Variants in GAB1 observed in about 807,000 individuals in gnomAD.
GAB1 encodes the protein GRB2-associated-binding protein 1.
GAB1 carries 19 observed loss-of-function variants against 66.5 expected under a neutral mutation model. The ratio of observed to expected loss-of-function variants is 0.29; its 90% confidence interval spans 0.20 to 0.42. The LOEUF (loss-of-function observed/expected upper bound fraction) is 0.42. Among genes scored for constraint, GAB1 ranks in the 10% least tolerant of loss-of-function variants. The pLI, the probability that GAB1 is intolerant of heterozygous loss-of-function variation, is 1.00. For missense variants in GAB1, 732 were observed against 858.5 expected (o/e 0.85, Z 1.84); for synonymous variants, 294 against 301.4 (o/e 0.98, Z 0.25).
intron 6 of GAB1, among the ~76,000 whole-genome samples, chr4:143,447,429 A>G (rs1015611942): frequency 2.0e-5 from 3 of 152,214 alleles, no homozygotes; most frequent in African/African-American, 7.2e-5. Flanking sequence ...ACCGATGAGC[A>G]TGGAATGTTC....
At chr4:143,397,894 T>C (rs1252042539) in intron 1 of GAB1, among the ~76,000 whole-genome samples, 1 of 152,246 alleles carries the variant, frequency 6.6e-6, no homozygotes, top group Non-Finnish European at 1.5e-5. Flanking sequence ...AGAAGAGTTT[T>C]ATTCTGTCTT....
At chr4:143,422,151 G>A (rs1733065280) in intron 2 of GAB1, among the ~76,000 whole-genome samples, 1 of 152,118 alleles carries the variant, frequency 6.6e-6, no homozygotes, top group Admixed American at 6.5e-5. Context: ...TAGTATTAAT[G>A]ATAATGCATA....
chr4:143,454,378 A>G (rs937885653), intron 6 of GAB1, among the ~76,000 whole-genome samples: 4 of 152,222 alleles, frequency 2.6e-5, no homozygotes, highest in African/African-American at 9.7e-5. Flanking sequence ...TTAGCATTTT[A>G]TTTGGGAAGC....
intron 1 of GAB1, among the ~76,000 whole-genome samples, chr4:143,340,592 C>T (rs1402028391): frequency 2.0e-5 from 3 of 152,066 alleles, no homozygotes; most frequent in Non-Finnish European, 4.4e-5. Flanking sequence ...CTCACTGCAA[C>T]CTCTGCCTCC....
Position 143,439,823 on chromosome 4 carries a change from A to G in GAB1, c.1217A>G (p.Tyr406Cys). 5.0e-6 allele frequency: 8 copies of G among 1,612,946 alleles called. No homozygotes were observed. Among genetic ancestry groups the G allele is most frequent in the Non-Finnish European group, 5.9e-6 (7 of 1,178,962 alleles). The change falls in exon 5 of 10, where the codon TAT (tyrosine) becomes TGT (cysteine). Residue 406 changes from tyrosine (Y) to cysteine (C), a missense_variant. Coordinates refer to ENST00000262994, the MANE Select transcript of GAB1 (RefSeq NM_002039.4). ...LRKDASSQDC[Y>C]DIPRAFPSDR... ...TTAGATGCTAGTTCTCAAGACTGCTATGATATTCCACGAGCATTTCCAAGT... is the reference window on the plus strand; with the variant it reads ...TTAGATGCTAGTTCTCAAGACTGCTGTGATATTCCACGAGCATTTCCAAGT...
intron 1 of GAB1, among the ~76,000 whole-genome samples, chr4:143,389,132 GC>G (rs1175102482): frequency 1.3e-5 from 2 of 152,202 alleles, no homozygotes; most frequent in Admixed American, 6.5e-5. Context: ...TCATCTTTCC[GC>G]AGTTGGTAAT....
At position 143,371,391 on chromosome 4, in the gene GAB1, G is replaced by C. The variant is rs551014938; in HGVS notation, c.72+34131G>C. On this transcript the variant is annotated intron_variant, in intron 1 of 9. Coordinates refer to ENST00000262994, the MANE Select transcript of GAB1 (RefSeq NM_002039.4). The stretch of plus-strand genomic sequence containing the variant: ...CATATCCTTCACCCACTTTTTGATG[G>C]GGTTGTTTGATTTTTTCTTGTAAAT... Among the ~76,000 whole-genome samples the C allele has an allele frequency of 1.0e-3, 153 of 152,248 alleles. 2 individuals are homozygous for C. Among genetic ancestry groups the C allele is most frequent in the African/African-American group, 3.6e-3 (149 of 41,554 alleles).
intron 1 of GAB1, among the ~76,000 whole-genome samples, chr4:143,365,157 G>A (rs528203090): frequency 2.0e-5 from 3 of 152,028 alleles, no homozygotes; most frequent in African/African-American, 7.2e-5. Context: ...GATTACAGGC[G>A]TGAGCCATCG....
At chr4:143,388,128 C>T (rs1176090482) in intron 1 of GAB1, among the ~76,000 whole-genome samples, 1 of 152,152 alleles carries the variant, frequency 6.6e-6, no homozygotes, top group Non-Finnish European at 1.5e-5. Flanking sequence ...TTTTTGAATG[C>T]TCCCTTTTTT....
intron 1 of GAB1, among the ~76,000 whole-genome samples, chr4:143,406,359 T>C (rs988478163): frequency 6.6e-6 from 1 of 152,204 alleles, no homozygotes; most frequent in African/African-American, 2.4e-5. Context: ...CATGGTTCTT[T>C]ATTGCATTTT....
chr4:143,339,505 C>T (rs562381549), intron 1 of GAB1, among the ~76,000 whole-genome samples: 9 of 152,142 alleles, frequency 5.9e-5, no homozygotes, highest in African/African-American at 9.7e-5. Context: ...GGTGAGACTC[C>T]GTCTCAAAAA....
chr4:143,399,434 C>G (rs570284310), intron 1 of GAB1, among the ~76,000 whole-genome samples: 2 of 152,336 alleles, frequency 1.3e-5, no homozygotes, highest in South Asian at 4.1e-4. Context: ...ATTTGCAGTT[C>G]AAACTACAGG....
intron 2 of GAB1, among the ~76,000 whole-genome samples, chr4:143,416,594 T>C (rs537141871): frequency 6.6e-6 from 1 of 152,112 alleles, no homozygotes; most frequent in Admixed American, 6.5e-5. Flanking sequence ...GCCAACATGG[T>C]GAAATTCCAT....
rs377428366 is a variant in GAB1, at chr4:143,459,379, T to G, written c.1586-6T>G. The G allele has an allele frequency of 2.4e-5, 38 of 1,574,286 alleles. No homozygotes were observed. In the African/African-American group the frequency reaches 5.0e-4, roughly 21 times the overall value. Reference sequence around the variant, plus strand: ...TAAAAATCTCTTTTTCTCTTTTTCTTTTCAGTCAAGCCAGCGCCTTTAGAA... The same window carrying G: ...TAAAAATCTCTTTTTCTCTTTTTCTGTTCAGTCAAGCCAGCGCCTTTAGAA... On this transcript the variant is annotated splice_region_variant and splice_polypyrimidine_tract_variant and intron_variant, in intron 6 of 9. Coordinates refer to ENST00000262994, the MANE Select transcript of GAB1 (RefSeq NM_002039.4).
intron 1 of GAB1, among the ~76,000 whole-genome samples, chr4:143,355,707 C>G (rs1729418971): frequency 6.6e-6 from 1 of 152,114 alleles, no homozygotes; most frequent in South Asian, 2.1e-4. Flanking sequence ...TACTGTAGTG[C>G]ACATTTGGAA....
intron 6 of GAB1, among the ~76,000 whole-genome samples, chr4:143,447,993 A>C (rs1028220382): frequency 1.3e-5 from 2 of 152,214 alleles, no homozygotes; most frequent in African/African-American, 4.8e-5. Flanking sequence ...AGTTTTTAGC[A>C]TGAAGCATTA....
Position 143,470,893 on chromosome 4 carries a change from T to C in GAB1, c.*1704T>C, listed in dbSNP as rs1344379428. 1.2e-4 allele frequency: 18 copies of C among 152,228 alleles called. No homozygotes were observed. Among genetic ancestry groups the C allele is most frequent in the Admixed American group, 1.2e-3 (18 of 15,280 alleles). The allele number at this position is 152,228 out of a possible 1,614,324, so 9.4% of individuals were successfully genotyped here. A position where few individuals can be genotyped will look rare whatever the true frequency, so the allele number is the denominator to read the frequency against. ...TTGTAGACTAGTAACATTTGATGCT[T>C]TTAAATATTTGCTTCTTTTTAAACA... On this transcript the variant is annotated 3_prime_UTR_variant, in exon 10 of 10. Coordinates refer to ENST00000262994, the MANE Select transcript of GAB1 (RefSeq NM_002039.4).
intron 1 of GAB1, among the ~76,000 whole-genome samples, chr4:143,387,962 A>G (rs748759024): frequency 2.0e-5 from 3 of 152,092 alleles, no homozygotes; most frequent in Admixed American, 2.0e-4. Context: ...CTTCTGTCCA[A>G]AGGGTTTGGG....
intron 1 of GAB1, among the ~76,000 whole-genome samples, chr4:143,339,949 G>C (rs762856813): frequency 6.6e-6 from 1 of 152,174 alleles, no homozygotes; most frequent in African/African-American, 2.4e-5. Flanking sequence ...GATGGAGATA[G>C]TCCTGGAAGA....
Sources: gnomAD v4.1 joint callset for allele counts (sites outside exome capture counted in the v4.1 genomes callset) on GRCh38, gnomAD v4.1.1 for gene constraint, MANE v1.5 for transcripts, NCBI Gene and HGNC (gene_info 2026-07-23, HGNC 2026-07-21) for gene names.